HEPACAM2: variants seen among roughly 807,000 people sequenced by gnomAD.
HEPACAM2 encodes HEPACAM family member 2.
A neutral mutation model predicts 49.6 loss-of-function variants in HEPACAM2; 49 were observed. The observed-to-expected ratio is 0.99, with a 90% confidence interval of 0.78 to 1.25. The LOEUF (loss-of-function observed/expected upper bound fraction) is 1.25, where lower values mean the gene tolerates loss of function less well. Among genes scored for constraint, HEPACAM2 ranks in the 50% most tolerant of loss-of-function variants. The probability of loss-of-function intolerance (pLI) is 0.00; values close to 1 mark genes in which losing one functional copy is unlikely to be tolerated. For synonymous variants in HEPACAM2, 197 were observed against 202.9 expected (o/e 0.97, Z 0.25); for missense variants, 525 against 557.2 (o/e 0.94, Z 0.58).
rs757282421 is a variant in HEPACAM2, at chr7:93,189,211, T to A, written c.*56A>T. ...GATTAATATACTTTTCCACTGTTTT[T>A]CCTTAAAATGTTTCTTCAGAATTTC... On this transcript the variant is annotated 3_prime_UTR_variant, in exon 10 of 10. Transcript: ENST00000394468. The A allele has an allele frequency of 6.7e-7, 1 of 1,493,792 alleles. No homozygotes were observed. The highest frequency in any genetic ancestry group is 2.3e-5 in the East Asian group (1 of 44,056). 92.5% of individuals were successfully genotyped at this position (1,493,792 alleles called of 1,614,324 possible).
intron 1 of HEPACAM2, among the ~76,000 whole-genome samples, chr7:93,220,909 G>A (rs997447886): frequency 5.3e-5 from 8 of 152,072 alleles, no homozygotes; most frequent in Non-Finnish European, 1.5e-5. Flanking sequence ...ATATTAAAAG[G>A]GGCAATATGA....
rs148519653 is a variant in HEPACAM2, at chr7:93,219,338, G to A, written c.193C>T (p.Gln65Ter). ...YGFHTPASDI[Q>*]IIWLFERPHT... ...GGTCTCTCAAATAGCCATATGATCT[G>A]GATGTCTGATGCTGGAGTGTGGAAG... is the stretch of plus-strand genomic sequence containing the variant. The change falls in exon 2 of 10, where the codon CAG becomes TAG. Residue 65 changes from glutamine (Q) to a stop codon, truncating the protein, a stop_gained. Coordinates refer to ENST00000394468, the MANE Select transcript of HEPACAM2 (RefSeq NM_001039372.4). LOFTEE classifies it high-confidence loss of function. The A allele has an allele frequency of 6.2e-7, 1 of 1,614,000 alleles. No homozygotes were observed. The highest frequency in any genetic ancestry group is 8.5e-7 in the Non-Finnish European group (1 of 1,179,944).
intron 9 of HEPACAM2, among the ~76,000 whole-genome samples, chr7:93,189,899 TTGATCTTTGAA>T (rs1267262515): frequency 7.2e-5 from 11 of 152,056 alleles, no homozygotes; most frequent in Non-Finnish European, 5.9e-5. Flanking sequence ...ACTCATGAAG[TTGATCTTTGAA>T]TTTAATTGGA....
chr7:93,215,712 A>C lies in HEPACAM2; in HGVS notation c.431-27T>G. ...TGCAATATTAAGAGAGATATGAATG[A>C]TTTTTTCTTTTCATGGAAATATAAT... On this transcript the variant is annotated intron_variant, in intron 2 of 9. Coordinates refer to ENST00000394468, the MANE Select transcript of HEPACAM2 (RefSeq NM_001039372.4). The C allele has an allele frequency of 1.9e-6, 3 of 1,594,100 alleles. No individual in the cohort carries two copies. In the South Asian group the frequency reaches 3.4e-5, roughly 18 times the overall value.
intron 3 of HEPACAM2, among the ~76,000 whole-genome samples, chr7:93,211,552 G>C (rs893148142): frequency 6.6e-6 from 1 of 151,992 alleles, no homozygotes; most frequent in African/African-American, 2.4e-5. Context: ...TCAATATTGA[G>C]ATTACTTTGC....
At chr7:93,206,124 T>C (rs186883474) in intron 4 of HEPACAM2, among the ~76,000 whole-genome samples, 2 of 152,214 alleles carry the variant, frequency 1.3e-5, no homozygotes, top group African/African-American at 4.8e-5. Flanking sequence ...AGCCTTACTG[T>C]AGTATACTTC....
intron 9 of HEPACAM2, among the ~76,000 whole-genome samples, chr7:93,189,913 T>TA (rs1345559149): frequency 1.3e-5 from 2 of 151,950 alleles, no homozygotes; most frequent in African/African-American, 4.8e-5. Flanking sequence ...TCTTTGAATT[T>TA]AATTGGACCT....
intron 8 of HEPACAM2, among the ~76,000 whole-genome samples, chr7:93,195,494 C>T (rs1209015536): frequency 6.6e-6 from 1 of 152,142 alleles, no homozygotes; most frequent in Admixed American, 6.6e-5. Context: ...CCTAGGAATA[C>T]AGATGTGAGC....
intron 3 of HEPACAM2, among the ~76,000 whole-genome samples, chr7:93,214,644 T>C (rs1794258000): frequency 6.6e-6 from 1 of 152,158 alleles, no homozygotes; most frequent in Non-Finnish European, 1.5e-5. Context: ...GCCTAAAGCA[T>C]AATATTTAAC....
upstream of HEPACAM2, among the ~76,000 whole-genome samples, chr7:93,227,529 G>A (rs2116736167): frequency 6.6e-6 from 1 of 152,272 alleles, no homozygotes. Flanking sequence ...TGGAATCCAA[G>A]TTTGGAAACA....
intron 3 of HEPACAM2, among the ~76,000 whole-genome samples, chr7:93,209,353 T>C (rs1279202598): frequency 6.6e-6 from 1 of 152,138 alleles, no homozygotes; most frequent in African/African-American, 2.4e-5. Flanking sequence ...TCACATGTTT[T>C]GATACATGTA....
intron 2 of HEPACAM2, among the ~76,000 whole-genome samples, chr7:93,216,749 T>C (rs988369364): frequency 1.3e-5 from 2 of 152,224 alleles, no homozygotes; most frequent in African/African-American, 2.4e-5. Flanking sequence ...TCTCCTTCTA[T>C]GTATGACTAC....
At position 93,212,137 on chromosome 7, in the gene HEPACAM2, T is replaced by C. The variant is rs955365231; in HGVS notation, c.716-3261A>G. 5.3e-5 allele frequency among the ~76,000 whole-genome samples: 8 copies of C among 152,142 alleles called. No homozygotes were observed. In the South Asian group the frequency reaches 8.3e-4, roughly 16 times the overall value. ...AGGTTTAATTTGTAGAGGAAGCCCA[T>C]AGTCATTTAGAGCCAAGGCTAGTAA... On this transcript the variant is annotated intron_variant, in intron 3 of 9. Transcript: ENST00000394468.
At chr7:93,189,304 T>C (rs757117524) in intron 9 of HEPACAM2, 34 bp from the exon 10 acceptor site, 3 of 1,528,636 alleles carry the variant, frequency 2.0e-6, no homozygotes, top group Non-Finnish European at 2.7e-6. Flanking sequence ...TGTAAACAGT[T>C]CTATAGATTT....
chr7:93,214,330 T>C (rs1199078578), intron 3 of HEPACAM2, among the ~76,000 whole-genome samples: 1 of 152,256 alleles, frequency 6.6e-6, no homozygotes, highest in African/African-American at 2.4e-5. Flanking sequence ...AGTAATGCAA[T>C]GTTCACAATT....
At chr7:93,190,618 A>T (rs1339336795) in intron 9 of HEPACAM2, among the ~76,000 whole-genome samples, 1 of 152,010 alleles carries the variant, frequency 6.6e-6, no homozygotes, top group Non-Finnish European at 1.5e-5. Flanking sequence ...AGCGGTTTTG[A>T]ATACTTTTTA....
intron 4 of HEPACAM2, among the ~76,000 whole-genome samples, chr7:93,201,021 G>A (rs1374677609): frequency 6.6e-6 from 1 of 152,108 alleles, no homozygotes; most frequent in Non-Finnish European, 1.5e-5. Flanking sequence ...GATGTGGGAG[G>A]AAGCTGGAAT....
intron 7 of HEPACAM2, among the ~76,000 whole-genome samples, chr7:93,196,342 T>A (rs1227758905): frequency 6.6e-6 from 1 of 152,150 alleles, no homozygotes; most frequent in Non-Finnish European, 1.5e-5. Context: ...AATAGCTAAC[T>A]GAAGCTTCCC....
chr7:93,218,355 G>A (rs1326047079), intron 2 of HEPACAM2, among the ~76,000 whole-genome samples: 1 of 151,966 alleles, frequency 6.6e-6, no homozygotes, highest in Non-Finnish European at 1.5e-5. Context: ...CAGTACTGGG[G>A]GTGGTAAGTG....
Sources: allele counts gnomAD v4.1 joint callset (sites outside exome capture counted in the v4.1 genomes callset), GRCh38; gene constraint gnomAD v4.1.1; transcripts MANE v1.5; gene names NCBI Gene and HGNC (gene_info 2026-07-23, HGNC 2026-07-21).